The following VIT variants were observed in gnomAD, a reference collection of about 807,000 sequenced individuals.
VIT encodes the protein vitrin.
VIT carries 99 observed loss-of-function variants against 78.0 expected under a neutral mutation model. The ratio of observed to expected loss-of-function variants is 1.27; its 90% confidence interval spans 1.08 to 1.50. VIT has a LOEUF of 1.50. VIT is among the 40% of genes most tolerant of loss of function. The pLI is 0.00. For missense variants in VIT, 1,126 were observed against 875.3 expected (o/e 1.29, Z -3.61); for synonymous variants, 374 against 334.3 (o/e 1.12, Z -1.29).
intron 6 of VIT, among the ~76,000 whole-genome samples, chr2:36,760,935 A>G (rs1331653105): frequency 6.6e-6 from 1 of 152,058 alleles, no homozygotes; most frequent in African/African-American, 2.4e-5. Flanking sequence ...CCCTGCTGGC[A>G]TGAGCCACTC....
chr2:36,716,869 C>CTTTTTTT (rs557873230), intron 2 of VIT, among the ~76,000 whole-genome samples: 13 of 78,678 alleles, frequency 1.7e-4, no homozygotes, highest in South Asian at 5.4e-4. Flanking sequence ...AGAGATGATT[C>CTTTTTTT]TTTTTTTTTT....
intron 2 of VIT, among the ~76,000 whole-genome samples, chr2:36,723,558 A>G (rs547089517): frequency 6.6e-6 from 1 of 152,346 alleles, no homozygotes; most frequent in African/African-American, 2.4e-5. Flanking sequence ...CATTAAAAAG[A>G]TTAAACATAG....
chr2:36,781,641 A>G, intron 9 of VIT, 86 bp from the exon 10 acceptor site: 3 of 1,491,764 alleles, frequency 2.0e-6, no homozygotes, highest in Middle Eastern at 1.7e-4. Context: ...CAATTGGGAA[A>G]CCTTATCATC....
intron 6 of VIT, chr2:36,759,286 A>G: frequency 1.4e-6 from 2 of 1,458,168 alleles, no homozygotes; most frequent in Non-Finnish European, 1.8e-6. Flanking sequence ...TATTTGTGTC[A>G]TTTTCATTCA....
chr2:36,784,134 A>G (rs1486070012), intron 11 of VIT, among the ~76,000 whole-genome samples: 1 of 152,228 alleles, frequency 6.6e-6, no homozygotes, highest in African/African-American at 2.4e-5. Flanking sequence ...CCACCTGAGG[A>G]TATCAGAAAG....
At chr2:36,794,163 A>G (rs1254579889) in intron 12 of VIT, among the ~76,000 whole-genome samples, 1 of 152,176 alleles carries the variant, frequency 6.6e-6, no homozygotes, top group Non-Finnish European at 1.5e-5. Context: ...ATTTACTGTT[A>G]CACAAATTCC....
At chr2:36,787,888 C>T (rs747428895) in intron 12 of VIT, 10 of 452,292 alleles carry the variant, frequency 2.2e-5, no homozygotes, top group East Asian at 1.4e-4. Flanking sequence ...AGATGACTTT[C>T]GCCAACCTGC....
chr2:36,811,596 G>A (rs1667173923), intron 15 of VIT, among the ~76,000 whole-genome samples: 1 of 152,156 alleles, frequency 6.6e-6, no homozygotes, highest in Non-Finnish European at 1.5e-5. Context: ...AGAATTGCCA[G>A]TAGGAGATTC....
chr2:36,811,599 G>A (rs972567052), intron 15 of VIT, among the ~76,000 whole-genome samples: 12 of 152,118 alleles, frequency 7.9e-5, no homozygotes, highest in African/African-American at 2.9e-4. Flanking sequence ...ATTGCCAGTA[G>A]GAGATTCTGT....
At chr2:36,704,521 C>T (rs1322563994) in intron 1 of VIT, among the ~76,000 whole-genome samples, 1 of 152,182 alleles carries the variant, frequency 6.6e-6, no homozygotes, top group Non-Finnish European at 1.5e-5. Context: ...AGGGCTCCTT[C>T]AGAGCAGGGA....
At chr2:36,709,663 G>A (rs933834611) in intron 1 of VIT, among the ~76,000 whole-genome samples, 4 of 152,096 alleles carry the variant, frequency 2.6e-5, no homozygotes, top group Non-Finnish European at 5.9e-5. Flanking sequence ...AAGATGGATG[G>A]GTTTGTGGTG....
At chr2:36,801,634 C>CCT (rs1666335703) in intron 13 of VIT, among the ~76,000 whole-genome samples, 1 of 152,038 alleles carries the variant, frequency 6.6e-6, no homozygotes, top group Non-Finnish European at 1.5e-5. Context: ...ATGGTTAAAC[C>CCT]CTCTTTCTAC....
intron 9 of VIT, among the ~76,000 whole-genome samples, chr2:36,775,804 A>G (rs1183818202): frequency 1.5e-5 from 2 of 137,796 alleles, no homozygotes; most frequent in African/African-American, 6.4e-5. Context: ...GACTCCCCCA[A>G]CACACTCTAG....
rs1427173703 is a variant in VIT, at chr2:36,814,370, C to T, written c.*9C>T. 6.2e-7 allele frequency: 1 copy of T among 1,613,422 alleles called. No individual in the cohort carries two copies. Among genetic ancestry groups the T allele is most frequent in the Non-Finnish European group, 8.5e-7 (1 of 1,179,668 alleles). On this transcript the variant is annotated 3_prime_UTR_variant, in exon 16 of 16. Transcript: ENST00000379242. The stretch of plus-strand genomic sequence containing the variant: ...CACAGCCTCGGAACTGAATTCAGAG[C>T]AGGCAGAGCACCAGCAAGTGCTGCT...
chr2:36,704,771 G>A (rs1458654601), intron 1 of VIT, among the ~76,000 whole-genome samples: 2 of 152,176 alleles, frequency 1.3e-5, no homozygotes, highest in East Asian at 3.9e-4. Flanking sequence ...CTGCCTCTCA[G>A]AACTCTGTCA....
At chr2:36,791,637 G>A (rs1344106206) in intron 12 of VIT, among the ~76,000 whole-genome samples, 1 of 152,200 alleles carries the variant, frequency 6.6e-6, no homozygotes, top group Admixed American at 6.5e-5. Flanking sequence ...TCAGAGAGAT[G>A]TGACATTGCT....
chr2:36,748,002 C>T (rs903814858), intron 4 of VIT, among the ~76,000 whole-genome samples: 1 of 152,140 alleles, frequency 6.6e-6, no homozygotes, highest in Non-Finnish European at 1.5e-5. Flanking sequence ...TGGCAGAATA[C>T]GAAATTTTTG....
chr2:36,787,552 T>C (rs1665189764), intron 12 of VIT, among the ~76,000 whole-genome samples: 1 of 152,238 alleles, frequency 6.6e-6, no homozygotes, highest in South Asian at 2.1e-4. Context: ...ACAGGAGAGA[T>C]GCGTGTGAGT....
At chr2:36,762,851 C>T (rs372011349) in intron 6 of VIT, among the ~76,000 whole-genome samples, 2 of 152,106 alleles carry the variant, frequency 1.3e-5, no homozygotes, top group African/African-American at 4.8e-5. Context: ...TTGCCCTGTG[C>T]GGCTCACACT....
Sources: allele counts gnomAD v4.1 joint callset (sites outside exome capture counted in the v4.1 genomes callset), GRCh38; gene constraint gnomAD v4.1.1; transcripts MANE v1.5; gene names NCBI Gene and HGNC (gene_info 2026-07-23, HGNC 2026-07-21).